The following PCDHGB1 variants were observed in gnomAD, a reference collection of about 807,000 sequenced individuals.
PCDHGB1 encodes protocadherin gamma subfamily B, 1.
In PCDHGB1, 34 loss-of-function variants were observed where a neutral mutation model predicts 56.6. That is an observed-to-expected ratio of 0.60 (90% confidence interval 0.46 to 0.80). The LOEUF (loss-of-function observed/expected upper bound fraction) is 0.80. PCDHGB1 is among the 30% of genes least tolerant of loss of function. PCDHGB1 has a pLI of 0.00. For synonymous variants in PCDHGB1, 561 were observed against 505.9 expected, an observed-to-expected ratio of 1.11 and a Z score of -1.46; for missense variants, 1,278 against 1,204.6, an observed-to-expected ratio of 1.06 and a Z score of -0.90.
chr5:141,375,469 T>C (rs762486539), intron 1 of PCDHGB1: 1 of 1,613,946 alleles, frequency 6.2e-7, no homozygotes, highest in South Asian at 1.1e-5. Flanking sequence ...TCTATGTCCT[T>C]GAAAACAACC....
intron 1 of PCDHGB1, chr5:141,372,343 G>A: frequency 6.2e-7 from 1 of 1,613,790 alleles, no homozygotes; most frequent in Non-Finnish European, 8.5e-7. Context: ...CGTGATGGAG[G>A]ACAGCAGCCT....
intron 1 of PCDHGB1, chr5:141,371,315 G>A: frequency 6.2e-7 from 1 of 1,613,958 alleles, no homozygotes; most frequent in Non-Finnish European, 8.5e-7. Context: ...TTGGAGAACT[G>A]GACTTTGAAG....
At chr5:141,405,114 C>T in intron 1 of PCDHGB1, 1 of 1,613,970 alleles carries the variant, frequency 6.2e-7, no homozygotes, top group Non-Finnish European at 8.5e-7. Flanking sequence ...CACTGGCACT[C>T]CTCGCATCTG....
At position 141,383,836 on chromosome 5, in the gene PCDHGB1, G is replaced by T. The variant is rs753167153; in HGVS notation, c.2409+31167G>T. On this transcript the variant is annotated intron_variant, in intron 1 of 3. Coordinates refer to ENST00000523390, the MANE Select transcript of PCDHGB1 (RefSeq NM_018922.3). ...AGAAGGATTAGATTATGAAGAAACT[G>T]CCTTCTATGAAATGGAGGTTCAGGC... 7 of 1,613,756 alleles carry T rather than the reference G, an allele frequency of 4.3e-6. No individual in the cohort carries two copies. The South Asian group carries it at 5.5e-5, about 13-fold the overall frequency.
At chr5:141,365,089 G>A in intron 1 of PCDHGB1, 2 of 1,613,840 alleles carry the variant, frequency 1.2e-6, no homozygotes, top group South Asian at 2.2e-5. Flanking sequence ...GTGTTCCAGA[G>A]AACATACCTG....
chr5:141,443,307 C>A (rs1447607301), intron 1 of PCDHGB1, among the ~76,000 whole-genome samples: 1 of 136,584 alleles, frequency 7.3e-6, no homozygotes, highest in Non-Finnish European at 1.5e-5. Flanking sequence ...ATGGCAAAAA[C>A]CCATCTCTAC....
intron 1 of PCDHGB1, chr5:141,427,815 G>A: frequency 6.5e-7 from 1 of 1,527,760 alleles, no homozygotes; most frequent in Non-Finnish European, 9.0e-7. Context: ...ACAGAGCGGG[G>A]TGGTGGTCGC....
In PCDHGB1 at chr5:141,366,453, T is replaced by C. The variant is rs1477570113; in HGVS notation, c.2409+13784T>C. On this transcript the variant is annotated intron_variant, in intron 1 of 3. Coordinates refer to ENST00000523390, the MANE Select transcript of PCDHGB1 (RefSeq NM_018922.3). Reference sequence around the variant, plus strand: ...GTCTCCTGCGTCTTCCTGGCCTTCGTCATCGTGCTGCTGGTGCTCAGACTG... The same window carrying C: ...GTCTCCTGCGTCTTCCTGGCCTTCGCCATCGTGCTGCTGGTGCTCAGACTG... 7 of 1,614,220 alleles carry C rather than the reference T, an allele frequency of 4.3e-6. No individual in the cohort carries two copies. The Admixed American group carries it at 1.0e-4, about 23-fold the overall frequency.
chr5:141,487,355 G>A lies in PCDHGB1; in HGVS notation c.2410-7452G>A. ...AGCCTGTGGAGTCACATGCTTTCCT[G>A]CTGGCACCTGTGCCTGTCTCACCAG... On this transcript the variant is annotated intron_variant, in intron 1 of 3. Coordinates refer to ENST00000523390, the MANE Select transcript of PCDHGB1 (RefSeq NM_018922.3). This position sits in a 1 kb window ranked among gnomAD's most constrained non-coding sequence, Gnocchi z 5.0. 1 of 1,614,150 alleles carries A rather than the reference G, an allele frequency of 6.2e-7. No homozygotes were observed. Among genetic ancestry groups the A allele is most frequent in the South Asian group, 1.1e-5 (1 of 91,090 alleles).
At chr5:141,382,969 T>G in intron 1 of PCDHGB1, 2 of 1,609,418 alleles carry the variant, frequency 1.2e-6, no homozygotes, top group Non-Finnish European at 8.5e-7. Context: ...GGGGACCCCC[T>G]GGGAAGCCTG....
intron 1 of PCDHGB1, chr5:141,428,419 C>G: frequency 4.4e-6 from 2 of 451,920 alleles, no homozygotes; most frequent in Non-Finnish European, 4.1e-6. Flanking sequence ...TCACCCTGGT[C>G]TCTGTTCTAA....
intron 1 of PCDHGB1, chr5:141,404,212 C>T: frequency 3.7e-6 from 6 of 1,613,616 alleles, no homozygotes; most frequent in Non-Finnish European, 5.1e-6. Flanking sequence ...AATATAATAT[C>T]ACGGTGACTG....
chr5:141,408,309 C>G, intron 1 of PCDHGB1: 1 of 1,613,816 alleles, frequency 6.2e-7, no homozygotes, highest in South Asian at 1.1e-5. Context: ...ATCCGCTACT[C>G]GATTCCGGAG....
chr5:141,431,127 T>C lies in PCDHGB1; in HGVS notation c.2410-63680T>C, dbSNP rs1455709617. ...AAAATATATGGAGTAGAAGTAGAAG[T>C]AAGGGACATTAACGACAATGCGCCT... On this transcript the variant is annotated intron_variant, in intron 1 of 3. Transcript: ENST00000523390. This position sits in a 1 kb window ranked among gnomAD's most constrained non-coding sequence, Gnocchi z 4.8. 1 of 1,614,176 alleles carries C rather than the reference T, an allele frequency of 6.2e-7. No individual in the cohort carries two copies. Among genetic ancestry groups the C allele is most frequent in the East Asian group, 2.2e-5 (1 of 44,878 alleles).
At chr5:141,374,726 A>G (rs1471530567) in intron 1 of PCDHGB1, 2 of 1,610,526 alleles carry the variant, frequency 1.2e-6, no homozygotes, top group Non-Finnish European at 8.5e-7. Flanking sequence ...CCTTACTGCC[A>G]TGGATGGCGG....
Position 141,383,339 on chromosome 5 carries a change from C to T in PCDHGB1, c.2409+30670C>T, listed in dbSNP as rs1244023518. ...AATGTAAAAATAATGGAGAATACAG[C>T]TCCTGGGGTTCGGTTTCCGTTAAGC... On this transcript the variant is annotated intron_variant, in intron 1 of 3. Transcript: ENST00000523390. The T allele has an allele frequency of 3.7e-6, 6 of 1,614,014 alleles. No homozygotes were observed. The highest frequency in any genetic ancestry group is 3.3e-5 in the Admixed American group (2 of 60,036).
chr5:141,408,782 T>G (rs1561715407), intron 1 of PCDHGB1: 1 of 1,612,108 alleles, frequency 6.2e-7, no homozygotes, highest in East Asian at 2.2e-5. Flanking sequence ...ATACCCAGAG[T>G]TATCTCTGGA....
chr5:141,458,390 C>T (rs2098944487), intron 1 of PCDHGB1, among the ~76,000 whole-genome samples: 1 of 152,058 alleles, frequency 6.6e-6, no homozygotes, highest in Non-Finnish European at 1.5e-5. Context: ...GAAGACGCTC[C>T]CCCTTGCAGA....
intron 1 of PCDHGB1, chr5:141,414,982 G>A (rs1415279007): frequency 3.7e-6 from 6 of 1,613,712 alleles, no homozygotes; most frequent in Admixed American, 1.7e-5. Flanking sequence ...CAGAGACTCC[G>A]GCCAGAACGC....
Sources: gnomAD v4.1 joint callset for allele counts (sites outside exome capture counted in the v4.1 genomes callset) on GRCh38, gnomAD v4.1.1 for gene constraint, Gnocchi (gnomAD v3.1) non-coding constraint, MANE v1.5 for transcripts, NCBI Gene and HGNC (gene_info 2026-07-23, HGNC 2026-07-21) for gene names.